HCN1: variants seen among roughly 807,000 people sequenced by gnomAD.
HCN1 encodes potassium/sodium hyperpolarization-activated cyclic nucleotide-gated channel 1.
In HCN1, 13 loss-of-function variants were observed where a neutral mutation model predicts 78.9. The observed-to-expected ratio is 0.16, with a 90% CI of 0.11 to 0.26. The LOEUF is 0.26. Ranked by LOEUF, HCN1 falls within the 10% of genes least tolerant of loss-of-function variation. The probability of loss-of-function intolerance (pLI) is 1.00; values close to 1 mark genes in which losing one functional copy is unlikely to be tolerated. For synonymous variants in HCN1, 552 were observed against 455.5 expected (o/e 1.21, Z -2.70); for missense variants, 810 against 1,154.3 (o/e 0.70, Z 4.32).
At chr5:45,264,689 C>T (rs1744818544) in intron 7 of HCN1, among the ~76,000 whole-genome samples, 1 of 152,000 alleles carries the variant, frequency 6.6e-6, no homozygotes, top group Non-Finnish European at 1.5e-5. Flanking sequence ...ATGCAATGGC[C>T]ACAAAACCGA....
At chr5:45,654,318 C>A (rs1580021963) in intron 1 of HCN1, among the ~76,000 whole-genome samples, 1 of 152,154 alleles carries the variant, frequency 6.6e-6, no homozygotes, top group East Asian at 1.9e-4. Context: ...TTTAAAAAAT[C>A]CTTAATTTAA....
At chr5:45,635,845 G>A (rs1304682844) in intron 2 of HCN1, among the ~76,000 whole-genome samples, 1 of 152,116 alleles carries the variant, frequency 6.6e-6, no homozygotes, top group Admixed American at 6.6e-5. Flanking sequence ...TTGACTTTCT[G>A]TGACAATTGG....
intron 5 of HCN1, among the ~76,000 whole-genome samples, chr5:45,336,274 T>A (rs975888787): frequency 1.6e-4 from 24 of 152,052 alleles, no homozygotes; most frequent in African/African-American, 4.3e-4. Flanking sequence ...TTAGAGATAA[T>A]GAATATACCA....
chr5:45,496,303 T>C (rs1240708651), intron 2 of HCN1, among the ~76,000 whole-genome samples: 1 of 151,752 alleles, frequency 6.6e-6, no homozygotes, highest in Non-Finnish European at 1.5e-5. Flanking sequence ...TATTCAGAGA[T>C]TCAACTTCTT....
chr5:45,602,516 G>A (rs756499004), intron 2 of HCN1, among the ~76,000 whole-genome samples: 4 of 152,174 alleles, frequency 2.6e-5, no homozygotes, highest in African/African-American at 9.6e-5. Context: ...AATTCCTGTC[G>A]TTTAAGACAC....
At chr5:45,315,737 C>T (rs1297858322) in intron 5 of HCN1, among the ~76,000 whole-genome samples, 1 of 152,038 alleles carries the variant, frequency 6.6e-6, no homozygotes, top group Admixed American at 6.5e-5. Flanking sequence ...GGGATATCAC[C>T]ACCGATCCCA....
chr5:45,374,168 A>C (rs1172004344), intron 4 of HCN1, among the ~76,000 whole-genome samples: 2 of 115,860 alleles, frequency 1.7e-5, no homozygotes, highest in African/African-American at 6.5e-5. Flanking sequence ...CATTATATAC[A>C]TAATATATAT....
intron 2 of HCN1, among the ~76,000 whole-genome samples, chr5:45,539,154 C>T (rs374727220): frequency 6.6e-6 from 1 of 152,060 alleles, no homozygotes; most frequent in Non-Finnish European, 1.5e-5. Flanking sequence ...CTGTCAAATG[C>T]GGATGATAAT....
chr5:45,407,897 A>G (rs966735782), intron 3 of HCN1, among the ~76,000 whole-genome samples: 2 of 152,156 alleles, frequency 1.3e-5, no homozygotes, highest in Admixed American at 6.6e-5. Context: ...GTGTGGTGGT[A>G]GAAGACAGTG....
rs530812709 is a variant in HCN1, at chr5:45,560,587, A to T, written c.849+84598T>A. Among the ~76,000 whole-genome samples the T allele has an allele frequency of 5.9e-5, 9 of 152,168 alleles. No individual in the cohort carries two copies. The South Asian group carries it at 1.9e-3, about 31-fold the overall frequency. On this transcript the variant is annotated intron_variant, in intron 2 of 7. Coordinates refer to ENST00000303230, the MANE Select transcript of HCN1 (RefSeq NM_021072.4). ...TGAAATAGTGATACATTGACCAAAAAGTTGGTTTCATTGTATTAACAAAAT... is the reference window on the plus strand; with the variant it reads ...TGAAATAGTGATACATTGACCAAAATGTTGGTTTCATTGTATTAACAAAAT...
intron 2 of HCN1, among the ~76,000 whole-genome samples, chr5:45,538,003 G>A (rs1743006166): frequency 6.7e-6 from 1 of 148,506 alleles, no homozygotes; most frequent in Non-Finnish European, 1.5e-5. Context: ...TCCTAGTAGA[G>A]ATTATACTCT....
chr5:45,550,163 T>A (rs559438209), intron 2 of HCN1, among the ~76,000 whole-genome samples: 2 of 152,060 alleles, frequency 1.3e-5, no homozygotes, highest in African/African-American at 2.4e-5. Context: ...ACCCAAAGGA[T>A]TATAAATCAT....
chr5:45,635,160 T>G (rs183088419), intron 2 of HCN1, among the ~76,000 whole-genome samples: 94 of 152,238 alleles, frequency 6.2e-4, no homozygotes, highest in African/African-American at 2.1e-3. Context: ...GCTAATTATA[T>G]CTTATATAAA....
At chr5:45,407,471 T>A (rs1455063117) in intron 3 of HCN1, among the ~76,000 whole-genome samples, 2 of 152,146 alleles carry the variant, frequency 1.3e-5, no homozygotes, top group Admixed American at 6.6e-5. Flanking sequence ...ATAAAGCTAC[T>A]TGTAAAACAA....
chr5:45,427,797 C>A (rs1053420914), intron 3 of HCN1, among the ~76,000 whole-genome samples: 10 of 151,998 alleles, frequency 6.6e-5, no homozygotes, highest in African/African-American at 2.2e-4. Context: ...GTTTTTATGT[C>A]ATGTAGCATA....
chr5:45,579,933 C>T (rs1437218085), intron 2 of HCN1, among the ~76,000 whole-genome samples: 2 of 152,026 alleles, frequency 1.3e-5, no homozygotes, highest in Non-Finnish European at 2.9e-5. Flanking sequence ...TAACTCCTTT[C>T]GGATGGTCAA....
chr5:45,352,959 G>A, intron 5 of HCN1, 141 bp downstream of exon 5: 2 of 662,888 alleles, frequency 3.0e-6, no homozygotes, highest in South Asian at 3.7e-5. Context: ...TTATGTAGGT[G>A]AGAAGCTAAA....
intron 1 of HCN1, among the ~76,000 whole-genome samples, chr5:45,680,890 A>G (rs1461812584): frequency 6.6e-6 from 1 of 152,132 alleles, no homozygotes; most frequent in African/African-American, 2.4e-5. Context: ...TGGGTTTGAA[A>G]TCATAGAAAT....
At chr5:45,290,237 T>G (rs1012975773) in intron 6 of HCN1, among the ~76,000 whole-genome samples, 3 of 152,044 alleles carry the variant, frequency 2.0e-5, no homozygotes, top group African/African-American at 4.8e-5. Flanking sequence ...GTGAGTCCAT[T>G]AAACCTCTCT....
Sources: allele counts gnomAD v4.1 joint callset (sites outside exome capture counted in the v4.1 genomes callset), GRCh38; gene constraint gnomAD v4.1.1; transcripts MANE v1.5; gene names NCBI Gene and HGNC (gene_info 2026-07-23, HGNC 2026-07-21).